Variants in PDCD10 observed in about 807,000 individuals in gnomAD.
PDCD10 encodes programmed cell death 10.
A neutral mutation model predicts 29.2 loss-of-function variants in PDCD10; 4 were observed. The ratio of observed to expected loss-of-function variants is 0.14; its 90% CI spans 0.07 to 0.31. The LOEUF is 0.31. PDCD10 is among the 10% of genes least tolerant of loss of function. The pLI, the probability that PDCD10 is intolerant of heterozygous loss-of-function variation, is 1.00. For synonymous variants in PDCD10, 70 were observed against 82.2 expected (o/e 0.85, Z 0.80); for missense variants, 183 against 257.9 (o/e 0.71, Z 1.99).
chr3:167,693,933 G>A (rs1720524621), intron 6 of PDCD10, among the ~76,000 whole-genome samples: 1 of 152,146 alleles, frequency 6.6e-6, no homozygotes, highest in African/African-American at 2.4e-5. Context: ...TCCAGCCTGG[G>A]TGACAGAGTG....
intron 2 of PDCD10, chr3:167,730,780 A>G (rs969724236): frequency 7.2e-5 from 11 of 152,204 alleles, no homozygotes; most frequent in Non-Finnish European, 1.2e-4. Flanking sequence ...TTCAGTTTGT[A>G]TGTTTTAAAA....
chr3:167,723,936 T>C (rs1035992596), intron 2 of PDCD10, among the ~76,000 whole-genome samples: 1 of 152,216 alleles, frequency 6.6e-6, no homozygotes, highest in Non-Finnish European at 1.5e-5. Context: ...TAATCAGCTT[T>C]AAATATCTTC....
intron 2 of PDCD10, among the ~76,000 whole-genome samples, chr3:167,732,523 G>T (rs1469295953): frequency 6.6e-6 from 1 of 152,038 alleles, no homozygotes; most frequent in Non-Finnish European, 1.5e-5. Context: ...CAACAGTACC[G>T]CAGCATGTGA....
rs572613216 is a variant in PDCD10, at chr3:167,730,832, A to T, written c.-117+3382T>A. 7 of 152,314 alleles carry T rather than the reference A, an allele frequency of 4.6e-5. No homozygotes were observed. The East Asian group carries it at 1.3e-3, about 29-fold the overall frequency. 9.4% of individuals were successfully genotyped at this position (152,314 alleles called of 1,614,324 possible). A position where few individuals can be genotyped will look rare whatever the true frequency, so the allele number is the denominator to read the frequency against. The stretch of plus-strand genomic sequence containing the variant: ...TAAGTCTCCAGCTATAAAGCAAATA[A>T]GATTAGAAAAGTATTAGAAAAATTT... On this transcript the variant is annotated intron_variant, in intron 2 of 8. Transcript: ENST00000392750.
intron 8 of PDCD10, among the ~76,000 whole-genome samples, chr3:167,685,231 G>A (rs1719467184): frequency 6.6e-6 from 1 of 151,932 alleles, no homozygotes; most frequent in African/African-American, 2.4e-5. Context: ...TGGCCAACAT[G>A]GTGAAACCTT....
Position 167,730,220 on chromosome 3 carries a change from G to A in PDCD10, c.-117+3994C>T, listed in dbSNP as rs548290243. Among the ~76,000 whole-genome samples the A allele has an allele frequency of 4.1e-4, 63 of 152,174 alleles. 1 individual carries two copies. Among genetic ancestry groups the A allele is most frequent in the Non-Finnish European group, 4.0e-4 (27 of 67,980 alleles). ...CTTTCATTTTTTGCATTGTGTGTGT[G>A]TGTGTGTCCCTAAAGCATAACCCTC... On this transcript the variant is annotated intron_variant, in intron 2 of 8. Transcript: ENST00000392750.
chr3:167,711,858 T>C (rs1722553121), intron 3 of PDCD10, among the ~76,000 whole-genome samples: 1 of 152,146 alleles, frequency 6.6e-6, no homozygotes, highest in Non-Finnish European at 1.5e-5. Context: ...GAGAGAGTAG[T>C]ATGATATATT....
At position 167,723,106 on chromosome 3, in the gene PDCD10, T is replaced by C. The variant is rs1467383051; in HGVS notation, c.-116-2833A>G. 3.3e-5 allele frequency among the ~76,000 whole-genome samples: 5 copies of C among 152,202 alleles called. No homozygotes were observed. In the East Asian group the frequency reaches 9.6e-4, roughly 29 times the overall value. Reference sequence around the variant, plus strand: ...CACATTAACAACTGGGGCCACTCAGTTTCAGTAGCATTTACATGAGATTAG... The same window carrying C: ...CACATTAACAACTGGGGCCACTCAGCTTCAGTAGCATTTACATGAGATTAG... On this transcript the variant is annotated intron_variant, in intron 2 of 8. Coordinates refer to ENST00000392750, the MANE Select transcript of PDCD10 (RefSeq NM_007217.4).
intron 6 of PDCD10, 67 bp from the exon 7 acceptor site, chr3:167,687,760 G>C (rs1206364812): frequency 1.2e-6 from 1 of 835,556 alleles, no homozygotes; most frequent in Non-Finnish European, 2.1e-6. Context: ...AAGAACATCA[G>C]CTACATTTGA....
intron 3 of PDCD10, among the ~76,000 whole-genome samples, chr3:167,713,018 C>T (rs1722675212): frequency 6.6e-6 from 1 of 152,036 alleles, no homozygotes; most frequent in Non-Finnish European, 1.5e-5. Flanking sequence ...GAGACTTCAC[C>T]ACCCAACTTT....
intron 8 of PDCD10, among the ~76,000 whole-genome samples, chr3:167,686,127 A>C (rs1296923546): frequency 6.6e-6 from 1 of 152,212 alleles, no homozygotes; most frequent in Non-Finnish European, 1.5e-5. Context: ...GACTTTAAGC[A>C]CTGTTAAAAA....
intron 2 of PDCD10, among the ~76,000 whole-genome samples, chr3:167,721,579 C>T (rs771521350): frequency 1.3e-5 from 2 of 152,188 alleles, no homozygotes; most frequent in South Asian, 2.1e-4. Context: ...CCTGCAGTGA[C>T]GCTTCAAAAA....
At chr3:167,690,843 T>C (rs1428314704) in intron 6 of PDCD10, among the ~76,000 whole-genome samples, 1 of 152,180 alleles carries the variant, frequency 6.6e-6, no homozygotes, top group Non-Finnish European at 1.5e-5. Context: ...CAAACTAAAA[T>C]GACAGAAGTT....
chr3:167,716,056 T>C (rs920275201), intron 3 of PDCD10, among the ~76,000 whole-genome samples: 3 of 149,106 alleles, frequency 2.0e-5, no homozygotes, highest in African/African-American at 7.7e-5. Context: ...TAAAATGTGG[T>C]ACACATACAC....
At chr3:167,685,302 C>T (rs541868223) in intron 8 of PDCD10, among the ~76,000 whole-genome samples, 4 of 145,826 alleles carry the variant, frequency 2.7e-5, no homozygotes, top group African/African-American at 1.0e-4. Context: ...AATCCCAGCT[C>T]GGGAGGCTGA....
chr3:167,712,860 G>A (rs759746146), intron 3 of PDCD10, among the ~76,000 whole-genome samples: 9 of 151,746 alleles, frequency 5.9e-5, no homozygotes, highest in Non-Finnish European at 1.0e-4. Context: ...AAGGAGACAA[G>A]GTCATTATAT....
intron 6 of PDCD10, among the ~76,000 whole-genome samples, chr3:167,693,305 C>T (rs1720455961): frequency 6.6e-6 from 1 of 152,192 alleles, no homozygotes; most frequent in South Asian, 2.1e-4. Context: ...TAATTCTGAA[C>T]ATATGTACTG....
chr3:167,712,858 A>G (rs1722655984), intron 3 of PDCD10, among the ~76,000 whole-genome samples: 1 of 152,044 alleles, frequency 6.6e-6, no homozygotes, highest in Non-Finnish European at 1.5e-5. Context: ...ATAAGGAGAC[A>G]AGGTCATTAT....
At chr3:167,710,943 T>C (rs975252150) in intron 3 of PDCD10, among the ~76,000 whole-genome samples, 5 of 152,294 alleles carry the variant, frequency 3.3e-5, no homozygotes, top group Non-Finnish European at 7.4e-5. Context: ...CAGATCTTAG[T>C]CAACACCACC....
Sources: allele counts gnomAD v4.1 joint callset (sites outside exome capture counted in the v4.1 genomes callset), GRCh38; gene constraint gnomAD v4.1.1; transcripts MANE v1.5; gene names NCBI Gene and HGNC (gene_info 2026-07-23, HGNC 2026-07-21).